RIMS2: variants seen among roughly 807,000 people sequenced by gnomAD.
RIMS2 encodes regulating synaptic membrane exocytosis protein 2.
A neutral mutation model predicts 174.4 loss-of-function variants in RIMS2; 59 were observed. That is an observed-to-expected ratio of 0.34 (90% CI 0.27 to 0.42). The LOEUF is 0.42. RIMS2 is among the 10% of genes least tolerant of loss of function. The probability of loss-of-function intolerance (pLI) is 1.00; values close to 1 mark genes in which losing one functional copy is unlikely to be tolerated. For missense variants in RIMS2, 1,620 were observed against 1,666.3 expected, an observed-to-expected ratio of 0.97 and a Z score of 0.48; for synonymous variants, 606 against 572.5, an observed-to-expected ratio of 1.06 and a Z score of -0.84.
Position 104,112,834 on chromosome 8 carries a change from G to A in RIMS2, c.3334+98219G>A, listed in dbSNP as rs116397170. Among the ~76,000 whole-genome samples, 1,184 of 152,224 alleles carry A rather than the reference G, an allele frequency of 7.8e-3. 26 individuals are homozygous for A. The highest frequency in any genetic ancestry group is 0.027 in the African/African-American group (1,119 of 41,546). On this transcript the variant is annotated intron_variant, in intron 19 of 23. Transcript: ENST00000504942. ...CAAATACCTGTTGAAGGATGAATGA[G>A]TCCCTATTTCAGTCGTTTTTAAAAC...
At chr8:103,842,929 C>T (rs148838304) in intron 3 of RIMS2, among the ~76,000 whole-genome samples, 81 of 152,258 alleles carry the variant, frequency 5.3e-4, no homozygotes, top group African/African-American at 1.7e-3. Context: ...CAGATAGCTG[C>T]CTTCTCGCTG....
intron 3 of RIMS2, among the ~76,000 whole-genome samples, chr8:103,815,426 G>T (rs1286775254): frequency 1.3e-5 from 2 of 152,064 alleles, no homozygotes; most frequent in African/African-American, 4.8e-5. Flanking sequence ...GCTTCCAAAA[G>T]TTCCTTAACA....
chr8:103,615,493 A>C (rs1220692576), intron 1 of RIMS2, among the ~76,000 whole-genome samples: 1 of 152,142 alleles, frequency 6.6e-6, no homozygotes, highest in South Asian at 2.1e-4. Flanking sequence ...ACAAATCAAC[A>C]CCAAAGCTAG....
At chr8:104,251,494 T>C (rs1448548049) in intron 23 of RIMS2, 108 bp from the exon 30 acceptor site, 4 of 702,208 alleles carry the variant, frequency 5.7e-6, no homozygotes, top group Non-Finnish European at 1.0e-5. Context: ...ACTTGATCTT[T>C]GATGTCAGAA....
At chr8:103,936,486 T>A in intron 12 of RIMS2, 65 bp from the exon 15 acceptor site, 1 of 1,100,596 alleles carries the variant, frequency 9.1e-7, no homozygotes, top group Non-Finnish European at 1.3e-6. Flanking sequence ...AATTTTAAAT[T>A]AAAAAATTTT....
intron 3 of RIMS2, among the ~76,000 whole-genome samples, chr8:103,788,592 G>T (rs966589388): frequency 4.6e-5 from 7 of 151,870 alleles, no homozygotes; most frequent in Admixed American, 2.6e-4. Context: ...CGGGGGTCAG[G>T]GGTCAGGGAC....
At chr8:103,590,262 C>T (rs1049864788) in intron 1 of RIMS2, among the ~76,000 whole-genome samples, 5 of 151,244 alleles carry the variant, frequency 3.3e-5, no homozygotes, top group African/African-American at 4.8e-5. Flanking sequence ...AAAACCTCAA[C>T]GTGTCACCAA....
chr8:104,245,349 A>C (rs963335153), intron 20 of RIMS2, among the ~76,000 whole-genome samples: 2 of 152,258 alleles, frequency 1.3e-5, no homozygotes, highest in Non-Finnish European at 2.9e-5. Flanking sequence ...AGCTTGAAAT[A>C]ATATATAAAA....
chr8:103,732,149 C>T (rs149183564), intron 2 of RIMS2, among the ~76,000 whole-genome samples: 14 of 152,304 alleles, frequency 9.2e-5, no homozygotes, highest in South Asian at 8.3e-4. Context: ...GCCATATCTA[C>T]GTAAGGGGGT....
intron 19 of RIMS2, among the ~76,000 whole-genome samples, chr8:104,132,797 A>T (rs1268012855): frequency 6.6e-6 from 1 of 152,138 alleles, no homozygotes; most frequent in East Asian, 1.9e-4. Flanking sequence ...AAGACTTAGT[A>T]TTTTTTCACG....
At chr8:104,078,069 G>A (rs1334686366) in intron 19 of RIMS2, among the ~76,000 whole-genome samples, 4 of 151,598 alleles carry the variant, frequency 2.6e-5, no homozygotes, top group African/African-American at 4.9e-5. Context: ...TCTTGAACCC[G>A]GGAGGCAGAG....
chr8:103,767,192 CTTT>C (rs35159105), intron 3 of RIMS2, among the ~76,000 whole-genome samples: 8 of 138,542 alleles, frequency 5.8e-5, no homozygotes, highest in Non-Finnish European at 6.2e-5. Flanking sequence ...CTTTTTCTTT[CTTT>C]TTTTTTTTTT....
intron 1 of RIMS2, among the ~76,000 whole-genome samples, chr8:103,554,417 G>A (rs1306975236): frequency 1.3e-5 from 2 of 152,012 alleles, no homozygotes; most frequent in African/African-American, 4.8e-5. Context: ...TGACATATAC[G>A]CGGCCAACAA....
At chr8:103,582,093 C>T (rs2093653001) in intron 1 of RIMS2, among the ~76,000 whole-genome samples, 2 of 152,090 alleles carry the variant, frequency 1.3e-5, no homozygotes, top group Non-Finnish European at 1.5e-5. Context: ...AATACCAGCT[C>T]AGCCACAGCA....
At chr8:103,786,657 C>G (rs888244431) in intron 3 of RIMS2, among the ~76,000 whole-genome samples, 6 of 152,064 alleles carry the variant, frequency 3.9e-5, no homozygotes, top group African/African-American at 1.4e-4. Context: ...AATTTCTGTT[C>G]TTTTACATTT....
intron 19 of RIMS2, among the ~76,000 whole-genome samples, chr8:104,164,289 G>A (rs2134988436): frequency 6.6e-6 from 1 of 152,026 alleles, no homozygotes; most frequent in East Asian, 1.9e-4. Context: ...TTATCTTACT[G>A]GAAGCACTAG....
At chr8:103,823,880 A>G (rs972812782) in intron 3 of RIMS2, among the ~76,000 whole-genome samples, 2 of 152,082 alleles carry the variant, frequency 1.3e-5, no homozygotes, top group African/African-American at 4.8e-5. Context: ...TATGAGGTAT[A>G]AAGCATCCAA....
chr8:103,897,588 CTT>C (rs2099294160), intron 4 of RIMS2, among the ~76,000 whole-genome samples: 1 of 151,656 alleles, frequency 6.6e-6, no homozygotes, highest in African/African-American at 2.4e-5. Context: ...CTTGTCCAAC[CTT>C]TCAGTTTGCA....
At chr8:103,526,960 T>A (rs1008987809) in intron 1 of RIMS2, among the ~76,000 whole-genome samples, 6 of 152,216 alleles carry the variant, frequency 3.9e-5, no homozygotes, top group Non-Finnish European at 4.4e-5. Flanking sequence ...GCTAGGCATA[T>A]CACAATAATG....
Sources: allele counts gnomAD v4.1 joint callset (sites outside exome capture counted in the v4.1 genomes callset), GRCh38; gene constraint gnomAD v4.1.1; transcripts MANE v1.5; gene names NCBI Gene and HGNC (gene_info 2026-07-23, HGNC 2026-07-21).